The following ATRN variants were observed in gnomAD, a reference collection of about 807,000 sequenced individuals.
ATRN encodes attractin-2.
A neutral mutation model predicts 178.7 loss-of-function variants in ATRN; 54 were observed. That is an observed-to-expected ratio of 0.30 (90% CI 0.24 to 0.38). The LOEUF (loss-of-function observed/expected upper bound fraction) is 0.38. ATRN is among the 10% of genes least tolerant of loss of function. ATRN has a pLI of 1.00. For missense variants in ATRN, 1,443 were observed against 1,815.1 expected (o/e 0.79, Z 3.73); for synonymous variants, 636 against 663.0 (o/e 0.96, Z 0.63).
rs556028732 is a variant in ATRN, at chr20:3,570,414, G to C, written c.1872-2317G>C. On this transcript the variant is annotated intron_variant, in intron 11 of 28. Coordinates refer to ENST00000262919, the MANE Select transcript of ATRN (RefSeq NM_139321.3). ...TGATCAGATTCACTTCAGTATTTTGGCAAGATCACTTCATAGGTTTATTTC... is the reference window on the plus strand; with the variant it reads ...TGATCAGATTCACTTCAGTATTTTGCCAAGATCACTTCATAGGTTTATTTC... Among the ~76,000 whole-genome samples, 6 of 152,130 alleles carry C rather than the reference G, an allele frequency of 3.9e-5. No homozygotes were observed. In the South Asian group the frequency reaches 1.2e-3, roughly 32 times the overall value.
intron 1 of ATRN, among the ~76,000 whole-genome samples, chr20:3,500,692 G>T (rs1275486635): frequency 8.1e-6 from 1 of 123,938 alleles, no homozygotes; most frequent in Non-Finnish European, 1.7e-5. Flanking sequence ...GTTGTGGGGT[G>T]GGGGGAGGGG....
Position 3,471,057 on chromosome 20 carries a change from C to G in ATRN, c.-51C>G. On this transcript the variant is annotated 5_prime_UTR_variant, in exon 1 of 29. Coordinates refer to ENST00000262919, the MANE Select transcript of ATRN (RefSeq NM_139321.3). ...CACGGCCAGGCGAAGCGGAGCCGGC[C>G]GTGCGGTGTGTGTGTATGTGTTCGC... 1 of 1,463,630 alleles carries G rather than the reference C, an allele frequency of 6.8e-7. No homozygotes were observed. The allele number at this position is 1,463,630 out of a possible 1,614,324, so 90.7% of individuals were successfully genotyped here. A position where few individuals can be genotyped will look rare whatever the true frequency, so the allele number is the denominator to read the frequency against.
chr20:3,607,563 TG>T (rs1252963264), intron 24 of ATRN, among the ~76,000 whole-genome samples: 2 of 152,352 alleles, frequency 1.3e-5, no homozygotes, highest in Non-Finnish European at 1.5e-5. Flanking sequence ...CCATTCTTTT[TG>T]TGACTGAATA....
chr20:3,576,829 A>G (rs753773623), intron 13 of ATRN, 30 bp from the exon 14 acceptor site: 19 of 1,609,952 alleles, frequency 1.2e-5, no homozygotes, highest in Non-Finnish European at 8.5e-7. Flanking sequence ...TGTGGATACA[A>G]AAGAAAAGCT....
At chr20:3,493,761 T>C (rs1034323824) in intron 1 of ATRN, among the ~76,000 whole-genome samples, 2 of 152,206 alleles carry the variant, frequency 1.3e-5, no homozygotes, top group African/African-American at 4.8e-5. Context: ...TGCAGTTCTT[T>C]AGCTTCTGAA....
chr20:3,605,456 G>T (rs946682987), intron 24 of ATRN, among the ~76,000 whole-genome samples: 1 of 152,154 alleles, frequency 6.6e-6, no homozygotes, highest in South Asian at 2.1e-4. Flanking sequence ...ACATGCACAT[G>T]TATGTTCATT....
rs145252339 is a variant in ATRN at position 3,571,928 on chromosome 20, T to A, written c.1872-803T>A. Among the ~76,000 whole-genome samples, 341 of 152,300 alleles carry A rather than the reference T, an allele frequency of 2.2e-3. 2 individuals carry two copies. The highest frequency in any genetic ancestry group is 7.7e-3 in the African/African-American group (322 of 41,590). ...TTATAGAGAAATTCACCCATTCTTC[T>A]ACTGCTTGTGTGTTTTGTTTTTCTC... is the stretch of plus-strand genomic sequence containing the variant. On this transcript the variant is annotated intron_variant, in intron 11 of 28. Coordinates refer to ENST00000262919, the MANE Select transcript of ATRN (RefSeq NM_139321.3).
chr20:3,523,265 G>A (rs1335466620), intron 1 of ATRN, among the ~76,000 whole-genome samples: 3 of 151,764 alleles, frequency 2.0e-5, no homozygotes, highest in Admixed American at 6.6e-5. Context: ...ACTTTGTGAA[G>A]CATACACAAG....
intron 15 of ATRN, among the ~76,000 whole-genome samples, chr20:3,580,809 A>T (rs1317277687): frequency 6.6e-6 from 1 of 152,242 alleles, no homozygotes; most frequent in Non-Finnish European, 1.5e-5. Context: ...CATGGCTACA[A>T]TAGTAATGGA....
chr20:3,554,990 CTTTTTTTTTTTTT>C (rs536209701), intron 6 of ATRN, among the ~76,000 whole-genome samples: 2 of 67,456 alleles, frequency 3.0e-5, no homozygotes, highest in Non-Finnish European at 4.9e-5. Flanking sequence ...GACCTGACCT[CTTTTTTTTTTTTT>C]TTTTTTTTTT....
chr20:3,597,646 C>A (rs900290593), intron 21 of ATRN, among the ~76,000 whole-genome samples: 5 of 152,104 alleles, frequency 3.3e-5, no homozygotes, highest in Non-Finnish European at 1.5e-5. Flanking sequence ...CTTTTAATAG[C>A]CTTTTCAGAT....
At position 3,584,831 on chromosome 20, in the gene ATRN, C is replaced by T; in HGVS notation, c.3135C>T (p.Ser1045=). 6.2e-7 allele frequency: 1 copy of T among 1,614,182 alleles called. No homozygotes were observed. Among genetic ancestry groups the T allele is most frequent in the Non-Finnish European group, 8.5e-7 (1 of 1,180,030 alleles). The change falls in exon 18 of 29, where the codon AGC becomes AGT. Residue 1045 remains serine (S), a synonymous_variant. Coordinates refer to ENST00000262919, the MANE Select transcript of ATRN (RefSeq NM_139321.3). ...NFYPQPLLNS[S]MCLEDSRYNW... The stretch of plus-strand genomic sequence containing the variant: ...ATCCACAGCCCCTGCTCAATTCCAG[C>T]ATGTGTCTAGAGGACAGCAGATACA...
At chr20:3,623,616 C>T (rs960933146) in intron 24 of ATRN, among the ~76,000 whole-genome samples, 3 of 152,088 alleles carry the variant, frequency 2.0e-5, no homozygotes, top group Non-Finnish European at 2.9e-5. Context: ...GGGATTGTCA[C>T]CTTGGTCAGT....
chr20:3,524,103 A>G (rs1274931347), intron 1 of ATRN, among the ~76,000 whole-genome samples: 1 of 152,158 alleles, frequency 6.6e-6, no homozygotes. Flanking sequence ...ATTAAAAGAC[A>G]CAGACTGACA....
At chr20:3,503,065 G>T (rs2084985770) in intron 1 of ATRN, among the ~76,000 whole-genome samples, 1 of 152,000 alleles carries the variant, frequency 6.6e-6, no homozygotes, top group African/African-American at 2.4e-5. Flanking sequence ...TGGCAGCCTG[G>T]CTCAGGGAAC....
At position 3,634,301 on chromosome 20, in the gene ATRN, T is replaced by A; in HGVS notation, c.3864-10T>A. 1 of 1,611,540 alleles carries A rather than the reference T, an allele frequency of 6.2e-7. No homozygotes were observed. Among genetic ancestry groups the A allele is most frequent in the Non-Finnish European group, 8.5e-7 (1 of 1,178,038 alleles). ...CTGGGATAATAACTCAGTACTTTCCTTTCTCACAGTTGTTTCCTCTCTTTG... is the reference window on the plus strand; with the variant it reads ...CTGGGATAATAACTCAGTACTTTCCATTCTCACAGTTGTTTCCTCTCTTTG... On this transcript the variant is annotated splice_polypyrimidine_tract_variant and intron_variant, in intron 25 of 28. Coordinates refer to ENST00000262919, the MANE Select transcript of ATRN (RefSeq NM_139321.3).
intron 19 of ATRN, among the ~76,000 whole-genome samples, chr20:3,593,452 C>T (rs2086481793): frequency 6.6e-6 from 1 of 152,026 alleles, no homozygotes; most frequent in Admixed American, 6.6e-5. Context: ...TGTTGTTATC[C>T]CCATCATATG....
chr20:3,580,638 T>G (rs467179), intron 15 of ATRN, among the ~76,000 whole-genome samples: 128,180 of 151,616 alleles, frequency 0.85, 54,559 homozygotes, highest in East Asian at 1. Context: ...CTTTCTGTGA[T>G]TTAATTAGTG....
In ATRN at chr20:3,509,707, T is replaced by C. The variant is rs191553330; in HGVS notation, c.411-25546T>C. 4.3e-3 allele frequency among the ~76,000 whole-genome samples: 651 copies of C among 152,242 alleles called. 5 individuals carry two copies. Among genetic ancestry groups the C allele is most frequent in the African/African-American group, 0.015 (606 of 41,534 alleles). ...TTAGTAGAGGTGGGGTTTTGCCACG[T>C]TGGCCAGGCTGGTCTTGACCTCCTG... On this transcript the variant is annotated intron_variant, in intron 1 of 28. Coordinates refer to ENST00000262919, the MANE Select transcript of ATRN (RefSeq NM_139321.3).
Sources: allele counts gnomAD v4.1 joint callset (sites outside exome capture counted in the v4.1 genomes callset), GRCh38; gene constraint gnomAD v4.1.1; transcripts MANE v1.5; gene names NCBI Gene and HGNC (gene_info 2026-07-23, HGNC 2026-07-21).